NOL4: variants seen among roughly 807,000 people sequenced by gnomAD.
NOL4 encodes the protein nucleolar protein 4, also known as cancer/testis antigen 125.
Under a neutral mutation model 75.9 loss-of-function variants are expected in NOL4, and 17 were observed. The ratio of observed to expected loss-of-function variants is 0.22; its 90% CI spans 0.15 to 0.34. The LOEUF (loss-of-function observed/expected upper bound fraction) is 0.34. NOL4 is among the 10% of genes least tolerant of loss of function. The probability of loss-of-function intolerance (pLI) is 1.00; values close to 1 mark genes in which losing one functional copy is unlikely to be tolerated. For synonymous variants in NOL4, 292 were observed against 289.9 expected (o/e 1.01, Z -0.07); for missense variants, 614 against 793.5 (o/e 0.77, Z 2.72).
intron 6 of NOL4, among the ~76,000 whole-genome samples, chr18:34,006,777 T>C (rs1438756710): frequency 1.3e-5 from 2 of 151,968 alleles, no homozygotes; most frequent in Non-Finnish European, 2.9e-5. Flanking sequence ...AGCTGATTAA[T>C]AGAATGGTGG....
At chr18:33,935,459 G>A (rs2145469697) in intron 9 of NOL4, among the ~76,000 whole-genome samples, 1 of 152,134 alleles carries the variant, frequency 6.6e-6, no homozygotes, top group Admixed American at 6.6e-5. Context: ...GGTGGGTGGG[G>A]TGGTCAAAAT....
intron 1 of NOL4, among the ~76,000 whole-genome samples, chr18:34,161,743 T>C (rs748212486): frequency 2.6e-5 from 4 of 152,046 alleles, no homozygotes; most frequent in Non-Finnish European, 4.4e-5. Flanking sequence ...GGAATATTAA[T>C]TCCTTGACAA....
intron 2 of NOL4, among the ~76,000 whole-genome samples, chr18:34,112,928 T>A (rs1292434412): frequency 1.3e-5 from 2 of 152,184 alleles, no homozygotes; most frequent in Admixed American, 6.5e-5. Flanking sequence ...GGTAATAATT[T>A]CACAATGTAT....
At chr18:33,960,952 A>G (rs918626130) in intron 6 of NOL4, among the ~76,000 whole-genome samples, 1 of 152,054 alleles carries the variant, frequency 6.6e-6, no homozygotes, top group Non-Finnish European at 1.5e-5. Flanking sequence ...ATTTCCCCTG[A>G]GCCAATCTAA....
At chr18:33,890,839 G>T (rs1280091431) in intron 9 of NOL4, among the ~76,000 whole-genome samples, 1 of 151,922 alleles carries the variant, frequency 6.6e-6, no homozygotes, top group Non-Finnish European at 1.5e-5. Context: ...CTGCAAACAA[G>T]AATTATCAAT....
intron 6 of NOL4, among the ~76,000 whole-genome samples, chr18:33,976,313 C>T (rs916354972): frequency 2.0e-5 from 3 of 152,120 alleles, no homozygotes; most frequent in African/African-American, 7.2e-5. Flanking sequence ...GAATACAAGG[C>T]ATATGTCAAA....
intron 9 of NOL4, among the ~76,000 whole-genome samples, chr18:33,908,748 GA>G (rs796307788): frequency 1.1e-3 from 173 of 152,202 alleles, no homozygotes; most frequent in African/African-American, 4.0e-3. Flanking sequence ...ATTTTAAGAG[GA>G]ACACGCATAG....
chr18:33,869,000 A>G (rs2063564131), intron 10 of NOL4, among the ~76,000 whole-genome samples: 1 of 151,976 alleles, frequency 6.6e-6, no homozygotes, highest in Admixed American at 6.6e-5. Flanking sequence ...TTTAAAGTAC[A>G]ACATTAAAAA....
intron 9 of NOL4, among the ~76,000 whole-genome samples, chr18:33,910,843 C>A (rs1400011649): frequency 6.6e-6 from 1 of 152,060 alleles, no homozygotes; most frequent in East Asian, 1.9e-4. Flanking sequence ...ATACAACCCT[C>A]TTGGAATATT....
chr18:33,911,986 T>C (rs923616059), intron 9 of NOL4, among the ~76,000 whole-genome samples: 8 of 152,116 alleles, frequency 5.3e-5, no homozygotes, highest in African/African-American at 1.9e-4. Context: ...CTCCTGGCAA[T>C]ACAGAATTGG....
At chr18:34,001,227 G>A (rs1486918457) in intron 6 of NOL4, among the ~76,000 whole-genome samples, 1 of 152,070 alleles carries the variant, frequency 6.6e-6, no homozygotes, top group Admixed American at 6.6e-5. Context: ...CTCTTTACGT[G>A]AATTCTTCCT....
At chr18:33,913,863 G>T (rs1211529743) in intron 9 of NOL4, among the ~76,000 whole-genome samples, 2 of 152,068 alleles carry the variant, frequency 1.3e-5, no homozygotes, top group African/African-American at 4.8e-5. Context: ...ACTTAAAAAT[G>T]AACCCACATG....
intron 6 of NOL4, among the ~76,000 whole-genome samples, chr18:34,013,308 C>A (rs2074484999): frequency 6.6e-6 from 1 of 151,740 alleles, no homozygotes; most frequent in Non-Finnish European, 1.5e-5. Context: ...CCTCTCCATC[C>A]CAACTACCAC....
chr18:34,141,836 A>G (rs551288856), intron 1 of NOL4, among the ~76,000 whole-genome samples: 1 of 152,280 alleles, frequency 6.6e-6, no homozygotes, highest in East Asian at 1.9e-4. Flanking sequence ...GACAAATGGG[A>G]TCTAATTAAA....
chr18:34,171,067 GGTTA>G (rs2032987405), intron 1 of NOL4, among the ~76,000 whole-genome samples: 2 of 152,094 alleles, frequency 1.3e-5, no homozygotes. Flanking sequence ...TAGAATAAAT[GGTTA>G]GTTAGCCTCT....
At chr18:34,057,963 C>A (rs1300554329) in intron 5 of NOL4, among the ~76,000 whole-genome samples, 1 of 152,098 alleles carries the variant, frequency 6.6e-6, no homozygotes, top group African/African-American at 2.4e-5. Context: ...TTGATTTCAG[C>A]TGTTGATAAT....
intron 5 of NOL4, among the ~76,000 whole-genome samples, chr18:34,070,537 C>A (rs1251666311): frequency 6.8e-6 from 1 of 147,882 alleles, no homozygotes; most frequent in East Asian, 2.1e-4. Context: ...CAACTTAAGC[C>A]AGAACATAAA....
intron 9 of NOL4, among the ~76,000 whole-genome samples, chr18:33,885,989 T>C (rs1182373249): frequency 2.0e-5 from 3 of 152,056 alleles, no homozygotes; most frequent in Non-Finnish European, 4.4e-5. Context: ...TATTTGGCCA[T>C]AAAAAAGAAT....
At chr18:34,012,679 C>T (rs2074443475) in intron 6 of NOL4, among the ~76,000 whole-genome samples, 1 of 151,898 alleles carries the variant, frequency 6.6e-6, no homozygotes, top group Admixed American at 6.6e-5. Context: ...TAAAAGGATA[C>T]TTTGAAGAAA....
Sources: allele counts gnomAD v4.1 joint callset (sites outside exome capture counted in the v4.1 genomes callset), GRCh38; gene constraint gnomAD v4.1.1; transcripts MANE v1.5; gene names NCBI Gene and HGNC (gene_info 2026-07-23, HGNC 2026-07-21).